DNAAF9: variants seen among roughly 807,000 people sequenced by gnomAD.
DNAAF9 encodes the protein dynein axonemal assembly factor 9, also known as shulin.
DNAAF9 carries 90 observed loss-of-function variants against 167.0 expected under a neutral mutation model. The ratio of observed to expected loss-of-function variants is 0.54; its 90% CI spans 0.45 to 0.64. DNAAF9 has a LOEUF of 0.64. DNAAF9 is among the 30% of genes least tolerant of loss of function. The pLI is 0.00. For missense variants in DNAAF9, 1,315 were observed against 1,442.2 expected (o/e 0.91, Z 1.43); for synonymous variants, 491 against 508.8 (o/e 0.96, Z 0.47).
intron 16 of DNAAF9, 104 bp downstream of exon 16, chr20:3,322,113 G>A (rs2069626113): frequency 8.0e-6 from 6 of 753,174 alleles, no homozygotes; most frequent in Admixed American, 2.1e-5. Context: ...GCTTCTTCAG[G>A]TGGGGTGGGC....
intron 31 of DNAAF9, 107 bp from the exon 32 acceptor site, chr20:3,260,135 C>T (rs1473617874): frequency 6.9e-6 from 4 of 576,310 alleles, no homozygotes; most frequent in Middle Eastern, 3.0e-4. Context: ...GTCAGGAGAT[C>T]GAGACCATCC....
intron 25 of DNAAF9, among the ~76,000 whole-genome samples, chr20:3,291,529 G>A (rs1261835303): frequency 2.0e-5 from 3 of 151,858 alleles, no homozygotes; most frequent in Admixed American, 1.3e-4. Flanking sequence ...ATTTTTAGTA[G>A]AGACGGGGCT....
intron 11 of DNAAF9, 119 bp downstream of exon 11, chr20:3,332,160 GC>G (rs2069841452): frequency 1.6e-6 from 1 of 622,102 alleles, no homozygotes; most frequent in Non-Finnish European, 2.9e-6. Context: ...GGAGCTGGAG[GC>G]CCACAAATTG....
chr20:3,327,857 C>G (rs572744977), intron 12 of DNAAF9, among the ~76,000 whole-genome samples: 5 of 152,326 alleles, frequency 3.3e-5, no homozygotes, highest in Admixed American at 2.6e-4. Context: ...CAAGTATCAA[C>G]ATATCCTGAA....
At chr20:3,368,728 C>A (rs1251364743) in intron 6 of DNAAF9, among the ~76,000 whole-genome samples, 1 of 152,020 alleles carries the variant, frequency 6.6e-6, no homozygotes, top group African/African-American at 2.4e-5. Flanking sequence ...CCGTGTTAGC[C>A]AGGATGGTCT....
At chr20:3,331,071 G>GT (rs1317173333) in intron 11 of DNAAF9, among the ~76,000 whole-genome samples, 1 of 152,066 alleles carries the variant, frequency 6.6e-6, no homozygotes, top group Non-Finnish European at 1.5e-5. Context: ...GATTACAGGC[G>GT]TGAGCCACCA....
chr20:3,321,499 GCA>G (rs1244238081), intron 16 of DNAAF9, among the ~76,000 whole-genome samples: 1 of 152,226 alleles, frequency 6.6e-6, no homozygotes, highest in African/African-American at 2.4e-5. Context: ...TGTTGTATCT[GCA>G]GTCCACTGTT....
chr20:3,376,252 C>A lies in DNAAF9; in HGVS notation c.334G>T (p.Val112Leu). Residue 112 changes from valine to leucine, a missense_variant, in exon 4 of 37, where the codon GTA becomes TTA. Physicochemically the swap from Val to Leu is conservative, Grantham distance 32 (BLOSUM62 1). Transcript: ENST00000252032. ...TAAGGTAAGAGATAGCGAAAGTTTA[C>A]AGGATTACAGTACAGATGGACGCTA... is the stretch of plus-strand genomic sequence containing the variant. The part of the protein sequence containing the change: ...SDSVHLYCNP[V>L]NFRYLLPYVA... 6.2e-7 allele frequency: 1 copy of A among 1,613,174 alleles called. No individual in the cohort carries two copies. The highest frequency in any genetic ancestry group is 8.5e-7 in the Non-Finnish European group (1 of 1,179,282).
intron 10 of DNAAF9, among the ~76,000 whole-genome samples, chr20:3,340,220 T>C (rs1475816514): frequency 6.6e-6 from 1 of 152,224 alleles, no homozygotes; most frequent in Non-Finnish European, 1.5e-5. Context: ...TTGACAATAT[T>C]ACTCTGACAA....
At chr20:3,391,715 G>C (rs1385836169) in intron 1 of DNAAF9, among the ~76,000 whole-genome samples, 2 of 151,694 alleles carry the variant, frequency 1.3e-5, no homozygotes, top group Non-Finnish European at 2.9e-5. Flanking sequence ...TGAGTAGCTA[G>C]GATTACAGGC....
intron 2 of DNAAF9, among the ~76,000 whole-genome samples, 197 bp downstream of exon 2, chr20:3,382,230 G>C (rs2083663617): frequency 6.6e-6 from 1 of 152,118 alleles, no homozygotes; most frequent in African/African-American, 2.4e-5. Flanking sequence ...GGCAGAAGTA[G>C]CTCCAAAAAT....
intron 30 of DNAAF9, 97 bp downstream of exon 30, chr20:3,270,330 T>G (rs2068571063): frequency 2.6e-6 from 3 of 1,176,372 alleles, no homozygotes; most frequent in Non-Finnish European, 3.7e-6. Context: ...TCTCCAAATG[T>G]TTAGGTCTTA....
intron 12 of DNAAF9, among the ~76,000 whole-genome samples, chr20:3,328,491 T>C (rs868373500): frequency 2.2e-4 from 34 of 152,260 alleles, no homozygotes; most frequent in African/African-American, 7.2e-4. Flanking sequence ...CCGGCCTCTG[T>C]TGTCACTTTC....
intron 29 of DNAAF9, among the ~76,000 whole-genome samples, chr20:3,273,120 C>G (rs2068622412): frequency 6.6e-6 from 1 of 152,134 alleles, no homozygotes; most frequent in South Asian, 2.1e-4. Context: ...CGTGAGCCAT[C>G]GCGCCCGGTG....
chr20:3,257,781 T>G (rs910562334), intron 33 of DNAAF9, among the ~76,000 whole-genome samples: 2 of 152,106 alleles, frequency 1.3e-5, no homozygotes, highest in Admixed American at 6.6e-5. Context: ...CTTGGCTCAC[T>G]ACAACCTCCA....
intron 7 of DNAAF9, among the ~76,000 whole-genome samples, chr20:3,358,026 AAAAT>A (rs1470436487): frequency 6.6e-6 from 1 of 152,048 alleles, no homozygotes; most frequent in East Asian, 1.9e-4. Context: ...ATATATTTTT[AAAAT>A]AAATAAATAA....
chr20:3,402,815 C>T (rs557305106), intron 1 of DNAAF9, among the ~76,000 whole-genome samples: 5 of 152,144 alleles, frequency 3.3e-5, no homozygotes, highest in Non-Finnish European at 7.4e-5. Flanking sequence ...AACTCCTGGG[C>T]TCAAGCAATC....
In DNAAF9 at chr20:3,332,324, C is replaced by T; in HGVS notation, c.1019G>A (p.Cys340Tyr). 6.2e-7 allele frequency: 1 copy of T among 1,609,406 alleles called. No individual in the cohort carries two copies. The highest frequency in any genetic ancestry group is 8.5e-7 in the Non-Finnish European group (1 of 1,176,054). The change falls in exon 11 of 37, where the codon TGT becomes TAT. Residue 340 changes from cysteine (C) to tyrosine (Y), a missense_variant. Cys to Tyr is a radical substitution (Grantham distance 194, BLOSUM62 -2). Transcript: ENST00000252032. ...QCVSPKGPLACSRTYFFGATH... is the reference protein window; with the variant it reads ...QCVSPKGPLAYSRTYFFGATH... ...AGCTCCAAAAAAGTATGTTCTCGAA[C>T]AAGCAAGAGGTCCCTTTGGTGAGAC...
chr20:3,359,828 A>G (rs948288943), intron 6 of DNAAF9, among the ~76,000 whole-genome samples: 3 of 152,248 alleles, frequency 2.0e-5, no homozygotes, highest in Non-Finnish European at 2.9e-5. Context: ...GGGCACATAT[A>G]TATTTATACA....
Sources: gnomAD v4.1 joint callset for allele counts (sites outside exome capture counted in the v4.1 genomes callset) on GRCh38, gnomAD v4.1.1 for gene constraint, MANE v1.5 for transcripts, NCBI Gene and HGNC (gene_info 2026-07-23, HGNC 2026-07-21) for gene names.